The following PBLD variants were observed in gnomAD, a reference collection of about 807,000 sequenced individuals.
The protein encoded by PBLD is phenazine biosynthesis like protein domain containing, also known as phenazine biosynthesis-like domain-containing protein.
Under a neutral mutation model 31.3 loss-of-function variants are expected in PBLD, and 26 were observed. That is an observed-to-expected ratio of 0.83 (90% CI 0.61 to 1.15). The LOEUF (loss-of-function observed/expected upper bound fraction) is 1.15, where lower values mean the gene tolerates loss of function less well. Among genes scored for constraint, PBLD ranks in the 50% most tolerant of loss-of-function variants. The pLI is 0.00. For missense variants in PBLD, 307 were observed against 351.7 expected, an observed-to-expected ratio of 0.87 and a Z score of 1.02; for synonymous variants, 114 against 129.0, an observed-to-expected ratio of 0.88 and a Z score of 0.79.
chr10:68,330,709 CGTGTGTGTGTGTGTGTGTGTGTGTGTGT>C (rs56166847), intron 1 of PBLD, among the ~76,000 whole-genome samples: 12 of 142,912 alleles, frequency 8.4e-5, no homozygotes, highest in Non-Finnish European at 1.5e-4. Flanking sequence ...CCACGCCCGG[CGTGTGTGTGTGTGTGTGTGTGTGTGTGT>C]GTGTGTGTGT....
chr10:68,290,953 C>T lies in PBLD; in HGVS notation c.423+1057G>A, dbSNP rs1020187158. 2.0e-5 allele frequency among the ~76,000 whole-genome samples: 3 copies of T among 152,226 alleles called. No individual in the cohort carries two copies. The Middle Eastern group carries it at 0.01, about 518-fold the overall frequency. On this transcript the variant is annotated intron_variant, in intron 6 of 9. Coordinates refer to ENST00000358769, the MANE Select transcript of PBLD (RefSeq NM_022129.4). ...ATTTGGCTTGTCTCCAAAACCCAAGCCATGGATGGGGTTGAGTATAAAATC... is the reference window on the plus strand; with the variant it reads ...ATTTGGCTTGTCTCCAAAACCCAAGTCATGGATGGGGTTGAGTATAAAATC...
chr10:68,330,521 GTACT>G (rs2045020354), intron 1 of PBLD, among the ~76,000 whole-genome samples: 1 of 152,042 alleles, frequency 6.6e-6, no homozygotes, highest in Admixed American at 6.6e-5. Context: ...TCCTACCTTT[GTACT>G]TGAACTTGCA....
chr10:68,309,058 T>A lies in PBLD; in HGVS notation c.-59-2155A>T, dbSNP rs1307953815. 1.3e-5 allele frequency among the ~76,000 whole-genome samples: 2 copies of A among 150,382 alleles called. 1 individual carries two copies. The highest frequency in any genetic ancestry group is 2.9e-5 in the Non-Finnish European group (2 of 67,858). On this transcript the variant is annotated intron_variant, in intron 1 of 9. Transcript: ENST00000358769. ...CCCTCTGCAATAGTCTTAGTTTGTT[T>A]ACAGTTTTCCTGTCACTGCAGATTC...
chr10:68,286,351 G>C (rs1011479215), intron 8 of PBLD, among the ~76,000 whole-genome samples: 1 of 151,894 alleles, frequency 6.6e-6, no homozygotes, highest in Admixed American at 6.6e-5. Context: ...GCCTCTCAAA[G>C]GGCTGGGATT....
chr10:68,284,041 C>T lies in PBLD; in HGVS notation c.*136G>A. The T allele has an allele frequency of 1.3e-6, 1 of 758,560 alleles. No individual in the cohort carries two copies. The allele number at this position is 758,560 out of a possible 1,614,324, so 47.0% of individuals were successfully genotyped here. On this transcript the variant is annotated 3_prime_UTR_variant, in exon 10 of 10. Transcript: ENST00000358769. ...CGATTACAGGCATGAGCCACTGCGC[C>T]TGGCCCATTTTTCGATTTTTAACAT...
intron 1 of PBLD, among the ~76,000 whole-genome samples, chr10:68,314,107 G>C (rs2134504686): frequency 6.6e-6 from 1 of 152,140 alleles, no homozygotes; most frequent in East Asian, 1.9e-4. Context: ...CTCCCGAGTA[G>C]CTGGGACTAC....
At chr10:68,312,900 C>A (rs966941718) in intron 1 of PBLD, among the ~76,000 whole-genome samples, 7 of 151,874 alleles carry the variant, frequency 4.6e-5, no homozygotes, top group Non-Finnish European at 1.0e-4. Flanking sequence ...CGTGAGCCAC[C>A]GGGCCCAGCC....
intron 1 of PBLD, among the ~76,000 whole-genome samples, chr10:68,316,378 C>A (rs929098850): frequency 5.3e-5 from 8 of 151,898 alleles, no homozygotes; most frequent in Admixed American, 4.6e-4. Context: ...GGTCCAACAG[C>A]AGGTTTAAGC....
intron 1 of PBLD, among the ~76,000 whole-genome samples, chr10:68,319,111 G>GAAAGAAAGAAA (rs1554860577): frequency 0.035 from 4,018 of 115,514 alleles, 178 homozygotes; most frequent in East Asian, 0.068. Context: ...AAGAAAGAAA[G>GAAAGAAAGAAA]GAAAAAGAAA....
Position 68,292,107 on chromosome 10 carries a change from G to A in PBLD, c.393+22C>T, listed in dbSNP as rs41407544. 11,700 of 1,606,926 alleles carry A rather than the reference G, an allele frequency of 7.3e-3. 718 individuals are homozygous for A. The African/African-American group carries it at 0.14, about 19-fold the overall frequency. ...AGCTGTCGGTTGTAGATGGCTTAGG[G>A]CAATAATTACAAAGAGCTGACCTGG... On this transcript the variant is annotated intron_variant, in intron 5 of 9. Transcript: ENST00000358769.
At chr10:68,299,519 G>A (rs2044476813) in intron 2 of PBLD, among the ~76,000 whole-genome samples, 1 of 152,058 alleles carries the variant, frequency 6.6e-6, no homozygotes, top group Non-Finnish European at 1.5e-5. Flanking sequence ...TGTGATTATT[G>A]TGAAAAATCA....
intron 4 of PBLD, among the ~76,000 whole-genome samples, chr10:68,295,429 G>T (rs1432507786): frequency 6.6e-6 from 1 of 150,900 alleles, no homozygotes; most frequent in Non-Finnish European, 1.5e-5. Context: ...GGAGTCAGAG[G>T]TTGCAGTGAA....
At chr10:68,302,563 C>T (rs1436503539) in intron 2 of PBLD, among the ~76,000 whole-genome samples, 1 of 152,098 alleles carries the variant, frequency 6.6e-6, no homozygotes, top group Non-Finnish European at 1.5e-5. Flanking sequence ...ATTGACAAAA[C>T]ATTAGGCTGG....
chr10:68,308,482 G>A (rs2044613000), intron 1 of PBLD, among the ~76,000 whole-genome samples: 1 of 137,790 alleles, frequency 7.3e-6, no homozygotes, highest in Non-Finnish European at 1.6e-5. Context: ...ATATGAGAGT[G>A]TCTGATCATT....
chr10:68,298,757 TAC>T (rs57358655), intron 2 of PBLD, among the ~76,000 whole-genome samples: 7,456 of 147,162 alleles, frequency 0.051, 207 homozygotes, highest in African/African-American at 0.064. Flanking sequence ...TGCATACGAA[TAC>T]ACACACACAC....
intron 2 of PBLD, among the ~76,000 whole-genome samples, chr10:68,301,658 C>G (rs1360002983): frequency 6.6e-6 from 1 of 152,118 alleles, no homozygotes; most frequent in East Asian, 1.9e-4. Flanking sequence ...TTCCTATCTT[C>G]GTCCTTCCTT....
At position 68,285,352 on chromosome 10, in the gene PBLD, C is replaced by T. The variant is rs752829973; in HGVS notation, c.750G>A (p.Met250Ile). Residue 250 changes from methionine to isoleucine, a missense_variant, in exon 9 of 10, where the codon ATG becomes ATA. Physicochemically the swap from Met to Ile is conservative, Grantham distance 10. Transcript: ENST00000358769. ...ATTGGTAAAGAGCTGTCCTACCATGCATTTCTTTCTTCCCCAGATGCTGGG... is the reference window on the plus strand; with the variant it reads ...ATTGGTAAAGAGCTGTCCTACCATGTATTTCTTTCTTCCCCAGATGCTGGG... ...YWSQHLGKKEMHAFQCSHRGG... is the reference protein window; with the variant it reads ...YWSQHLGKKEIHAFQCSHRGG... The T allele has an allele frequency of 6.8e-6, 11 of 1,613,940 alleles. No homozygotes were observed. The highest frequency in any genetic ancestry group is 8.5e-6 in the Non-Finnish European group (10 of 1,179,960).
intron 4 of PBLD, among the ~76,000 whole-genome samples, chr10:68,294,749 G>A (rs1330524185): frequency 6.6e-6 from 1 of 151,962 alleles, no homozygotes; most frequent in Non-Finnish European, 1.5e-5. Flanking sequence ...TTTCCTCGAG[G>A]TGGAGTCTCG....
At chr10:68,325,425 C>T (rs1042908346) in intron 1 of PBLD, among the ~76,000 whole-genome samples, 6 of 151,364 alleles carry the variant, frequency 4.0e-5, no homozygotes, top group Non-Finnish European at 7.4e-5. Flanking sequence ...ATTAGCCAGG[C>T]GTGGTGGTGT....
Sources: gnomAD v4.1 joint callset for allele counts (sites outside exome capture counted in the v4.1 genomes callset) on GRCh38, gnomAD v4.1.1 for gene constraint, MANE v1.5 for transcripts, NCBI Gene and HGNC (gene_info 2026-07-23, HGNC 2026-07-21) for gene names.